The following TPTE2 variants were observed in gnomAD, a reference collection of about 807,000 sequenced individuals.
The protein encoded by TPTE2 is transmembrane phosphoinositide 3-phosphatase and tensin homolog 2.
A neutral mutation model predicts 78.6 loss-of-function variants in TPTE2; 53 were observed. That is an observed-to-expected ratio of 0.67 (90% confidence interval 0.54 to 0.85). TPTE2 has a LOEUF of 0.85. TPTE2 is among the 40% of genes least tolerant of loss of function. The pLI is 0.00. For missense variants in TPTE2, 461 were observed against 623.0 expected, an observed-to-expected ratio of 0.74 and a Z score of 2.77; for synonymous variants, 175 against 206.2, an observed-to-expected ratio of 0.85 and a Z score of 1.30.
intron 1 of TPTE2, among the ~76,000 whole-genome samples, chr13:19,513,752 G>C (rs1197071641): frequency 6.6e-6 from 1 of 152,074 alleles, no homozygotes; most frequent in African/African-American, 2.4e-5. Flanking sequence ...AATGAATCAG[G>C]ATTTAAATAC....
intron 1 of TPTE2, among the ~76,000 whole-genome samples, chr13:19,531,722 G>GTCAGGAGC (rs1346475183): frequency 6.6e-6 from 1 of 151,832 alleles, no homozygotes. Flanking sequence ...AGGTCAGGAG[G>GTCAGGAGC]TCAAGACCAG....
chr13:19,498,411 A>G (rs1881533471), intron 1 of TPTE2, among the ~76,000 whole-genome samples: 2 of 151,332 alleles, frequency 1.3e-5, no homozygotes, highest in East Asian at 1.9e-4. Context: ...AGGTCGGGTT[A>G]CCCTCAAACA....
At chr13:19,542,949 T>C in the TPTE2 span, among the ~76,000 whole-genome samples, 1 of 151,716 alleles carries the variant, frequency 6.6e-6, no homozygotes, top group Non-Finnish European at 1.5e-5. Context: ...TATGTGCCAG[T>C]GTACTCTAGC....
chr13:19,440,469 A>T (rs1367006261), intron 13 of TPTE2, among the ~76,000 whole-genome samples: 15 of 152,206 alleles, frequency 9.9e-5, no homozygotes. Context: ...AAAGGAACAT[A>T]CTTCAAAATA....
chr13:19,516,638 G>A (rs537239486), intron 1 of TPTE2, among the ~76,000 whole-genome samples: 3 of 152,274 alleles, frequency 2.0e-5, no homozygotes, highest in Non-Finnish European at 2.9e-5. Context: ...GGTGTTAATT[G>A]CAATGGGACC....
At chr13:19,477,686 G>A (rs1022470659) in intron 4 of TPTE2, among the ~76,000 whole-genome samples, 5 of 152,288 alleles carry the variant, frequency 3.3e-5, no homozygotes, top group African/African-American at 1.2e-4. Flanking sequence ...AGATTATGAA[G>A]GCATGAAGAA....
the TPTE2 span, among the ~76,000 whole-genome samples, chr13:19,558,467 A>G: frequency 6.6e-6 from 1 of 152,220 alleles, no homozygotes; most frequent in East Asian, 1.9e-4. Flanking sequence ...AGAAGTCTTA[A>G]GAATTGTTGC....
At chr13:19,447,866 T>C (rs1234034658) in intron 13 of TPTE2, among the ~76,000 whole-genome samples, 1 of 152,182 alleles carries the variant, frequency 6.6e-6, no homozygotes, top group Non-Finnish European at 1.5e-5. Context: ...CTTCGTATCA[T>C]TACACTATAA....
At chr13:19,471,747 T>C (rs1879627724) in intron 6 of TPTE2, among the ~76,000 whole-genome samples, 2 of 152,216 alleles carry the variant, frequency 1.3e-5, no homozygotes, top group South Asian at 4.1e-4. Context: ...CATTTTTCTG[T>C]ATACCTACTA....
upstream of TPTE2, among the ~76,000 whole-genome samples, chr13:19,539,028 C>T (rs1871363457): frequency 6.6e-6 from 1 of 152,154 alleles, no homozygotes; most frequent in African/African-American, 2.4e-5. Context: ...GCTGAGCATG[C>T]TCAGGTGCTA....
chr13:19,447,943 G>A (rs1402027457), intron 13 of TPTE2, among the ~76,000 whole-genome samples: 1 of 151,964 alleles, frequency 6.6e-6, no homozygotes, highest in Admixed American at 6.6e-5. Context: ...TTCTCACAAA[G>A]TTTAAGAACA....
intron 3 of TPTE2, among the ~76,000 whole-genome samples, chr13:19,492,340 A>G (rs1881041554): frequency 6.6e-6 from 1 of 152,200 alleles, no homozygotes; most frequent in Non-Finnish European, 1.5e-5. Context: ...TCCACGTTCC[A>G]TTAGCTCTGT....
the TPTE2 span, among the ~76,000 whole-genome samples, chr13:19,545,671 T>G: frequency 6.6e-6 from 1 of 152,172 alleles, no homozygotes. Flanking sequence ...TCTTCCCAAT[T>G]CCTCTCAAAT....
At chr13:19,440,357 A>G (rs1005467006) in intron 13 of TPTE2, among the ~76,000 whole-genome samples, 2 of 152,200 alleles carry the variant, frequency 1.3e-5, no homozygotes, top group African/African-American at 4.8e-5. Flanking sequence ...ACAGAATTAA[A>G]CAGAAACCAC....
chr13:19,542,218 G>A, the TPTE2 span, among the ~76,000 whole-genome samples: 9 of 151,930 alleles, frequency 5.9e-5, no homozygotes, highest in Middle Eastern at 3.2e-3. Context: ...ACAGTGGCAC[G>A]ATCATAGCTC....
chr13:19,463,376 A>G (rs1411728706), intron 10 of TPTE2, among the ~76,000 whole-genome samples: 1 of 152,172 alleles, frequency 6.6e-6, no homozygotes, highest in Admixed American at 6.5e-5. Flanking sequence ...AATTTCCCAT[A>G]AGATCATAAA....
At chr13:19,499,866 A>T (rs1199312892) in intron 1 of TPTE2, among the ~76,000 whole-genome samples, 2 of 150,716 alleles carry the variant, frequency 1.3e-5, no homozygotes, top group East Asian at 1.9e-4. Flanking sequence ...CAGGAGCTGG[A>T]TTTTTGAAAG....
intron 1 of TPTE2, among the ~76,000 whole-genome samples, chr13:19,534,228 GAAC>G (rs1215260167): frequency 2.6e-5 from 4 of 152,248 alleles, no homozygotes; most frequent in Non-Finnish European, 5.9e-5. Context: ...TAATTTACGG[GAAC>G]AACATCCTGA....
At chr13:19,424,019 T>C (rs1337957981) in intron 19 of TPTE2, among the ~76,000 whole-genome samples, 2 of 152,210 alleles carry the variant, frequency 1.3e-5, no homozygotes, top group Admixed American at 6.5e-5. Context: ...TCAAAATCCA[T>C]TAAATGTTTT....
Sources: gnomAD v4.1 joint callset for allele counts (sites outside exome capture counted in the v4.1 genomes callset) on GRCh38, gnomAD v4.1.1 for gene constraint, MANE v1.5 for transcripts, NCBI Gene and HGNC (gene_info 2026-07-23, HGNC 2026-07-21) for gene names.